The following ZNF248 variants were observed in gnomAD, a reference collection of about 807,000 sequenced individuals.
ZNF248 encodes the protein KRAB protein domain.
Under a neutral mutation model 44.3 loss-of-function variants are expected in ZNF248, and 20 were observed. The ratio of observed to expected loss-of-function variants is 0.45; its 90% CI spans 0.32 to 0.66. The LOEUF (loss-of-function observed/expected upper bound fraction) is 0.66, where lower values mean the gene tolerates loss of function less well. Among genes scored for constraint, ZNF248 ranks in the 30% least tolerant of loss-of-function variants. The pLI, the probability that ZNF248 is intolerant of heterozygous loss-of-function variation, is 0.04. For synonymous variants in ZNF248, 224 were observed against 229.0 expected (o/e 0.98, Z 0.20); for missense variants, 654 against 677.0 (o/e 0.97, Z 0.38).
chr10:37,837,546 G>A, intron 5 of ZNF248, 71 bp downstream of exon 5: 1 of 1,296,578 alleles, frequency 7.7e-7, no homozygotes, highest in Non-Finnish European at 1.1e-6. Flanking sequence ...TTCCAAAGGT[G>A]ACAAATCCTA....
At chr10:37,777,926 A>C (rs545124466) in intron 6 of ZNF248, among the ~76,000 whole-genome samples, 1 of 152,104 alleles carries the variant, frequency 6.6e-6, no homozygotes, top group African/African-American at 2.4e-5. Context: ...TTCTTAATCC[A>C]GTCTATCATT....
At chr10:37,823,488 A>C (rs1475774017) in intron 6 of ZNF248, among the ~76,000 whole-genome samples, 1 of 152,138 alleles carries the variant, frequency 6.6e-6, no homozygotes, top group Non-Finnish European at 1.5e-5. Context: ...GAACAAATGT[A>C]AATTTTATGT....
chr10:37,855,888 C>T (rs1023048967), intron 3 of ZNF248, among the ~76,000 whole-genome samples: 1 of 152,216 alleles, frequency 6.6e-6, no homozygotes, highest in Non-Finnish European at 1.5e-5. Context: ...GTTTTGAGGA[C>T]ATGCAGTCCC....
intron 6 of ZNF248, among the ~76,000 whole-genome samples, chr10:37,784,648 C>CTAGACTAGA (rs1308590482): frequency 6.6e-6 from 1 of 152,168 alleles, no homozygotes; most frequent in Non-Finnish European, 1.5e-5. Flanking sequence ...TCACTTTGTT[C>CTAGACTAGA]TAGACTAGAT....
At chr10:37,845,867 A>C (rs1313370871) in intron 3 of ZNF248, among the ~76,000 whole-genome samples, 1 of 152,202 alleles carries the variant, frequency 6.6e-6, no homozygotes, top group African/African-American at 2.4e-5. Flanking sequence ...AGAGTACCAC[A>C]ACACACCCAA....
intron 6 of ZNF248, chr10:37,819,495 C>T (rs1564529578): frequency 7.5e-7 from 1 of 1,339,060 alleles, no homozygotes; most frequent in Non-Finnish European, 1.1e-6. Context: ...GCCTTGTAAA[C>T]TTTACTGAAA....
At chr10:37,805,006 A>G (rs530554742) in intron 6 of ZNF248, among the ~76,000 whole-genome samples, 29 of 152,296 alleles carry the variant, frequency 1.9e-4, no homozygotes, top group African/African-American at 7.0e-4. Context: ...CCACTCCTAA[A>G]AGAAGATATA....
intron 6 of ZNF248, among the ~76,000 whole-genome samples, chr10:37,788,939 T>A (rs978059871): frequency 2.0e-5 from 3 of 151,940 alleles, no homozygotes; most frequent in Non-Finnish European, 4.4e-5. Flanking sequence ...TGGCACAACG[T>A]TGGCTCACTG....
intron 6 of ZNF248, among the ~76,000 whole-genome samples, chr10:37,810,234 C>A (rs2051276330): frequency 1.3e-5 from 2 of 152,172 alleles, no homozygotes; most frequent in African/African-American, 4.8e-5. Flanking sequence ...TCCTTACCTT[C>A]TGTCTGGTTG....
At chr10:37,816,463 G>A (rs2052484270) in intron 6 of ZNF248, among the ~76,000 whole-genome samples, 1 of 152,170 alleles carries the variant, frequency 6.6e-6, no homozygotes, top group South Asian at 2.1e-4. Flanking sequence ...TTAACCACAC[G>A]TAACCACAAT....
intron 6 of ZNF248, among the ~76,000 whole-genome samples, chr10:37,808,299 A>G (rs2050912303): frequency 1.4e-5 from 2 of 145,184 alleles, no homozygotes; most frequent in Non-Finnish European, 1.5e-5. Context: ...TTTTTCTGAG[A>G]CAGAATCTCG....
At chr10:37,761,623 G>A in the ZNF248 span, among the ~76,000 whole-genome samples, 1 of 152,210 alleles carries the variant, frequency 6.6e-6, no homozygotes, top group Non-Finnish European at 1.5e-5. Flanking sequence ...CAATGGAATA[G>A]TGAATAACTT....
chr10:37,816,227 T>C (rs984319751), intron 6 of ZNF248, among the ~76,000 whole-genome samples: 1 of 152,182 alleles, frequency 6.6e-6, no homozygotes, highest in Non-Finnish European at 1.5e-5. Context: ...GGGGAAGGAC[T>C]TGCAACAATG....
At chr10:37,818,720 G>A in intron 6 of ZNF248, 1 of 595,264 alleles carries the variant, frequency 1.7e-6, no homozygotes, top group East Asian at 3.7e-5. Context: ...TCACAGGCCA[G>A]TTGCTGGGCA....
At chr10:37,839,957 G>C (rs1215518615) in intron 3 of ZNF248, among the ~76,000 whole-genome samples, 1 of 152,110 alleles carries the variant, frequency 6.6e-6, no homozygotes, top group East Asian at 1.9e-4. Context: ...CGAACTTAAT[G>C]CAATAGCTAT....
Position 37,830,335 on chromosome 10 carries a change from A to T in ZNF248, c.*1280T>A. 1 of 985,408 alleles carries T rather than the reference A, an allele frequency of 1.0e-6. No homozygotes were observed. Among genetic ancestry groups the T allele is most frequent in the Non-Finnish European group, 1.2e-6 (1 of 829,924 alleles). 61.0% of individuals were successfully genotyped at this position (985,408 alleles called of 1,614,324 possible). On this transcript the variant is annotated 3_prime_UTR_variant, in exon 6 of 6. Transcript: ENST00000395867. ...TGATAGTTCAATAATGGCCATATTC[A>T]TGCATATATGCCAGGAAACAGTCAG...
At chr10:37,779,701 A>G (rs1401346520) in intron 6 of ZNF248, among the ~76,000 whole-genome samples, 1 of 151,704 alleles carries the variant, frequency 6.6e-6, no homozygotes, top group African/African-American at 2.4e-5. Context: ...AGGGTATTCA[A>G]TTAAGAAAAG....
At chr10:37,766,686 G>C in the ZNF248 span, among the ~76,000 whole-genome samples, 4 of 152,182 alleles carry the variant, frequency 2.6e-5, no homozygotes, top group African/African-American at 9.7e-5. Context: ...AAACAGAGTA[G>C]AAAAACTGGA....
At chr10:37,768,885 A>G in the ZNF248 span, among the ~76,000 whole-genome samples, 2 of 152,168 alleles carry the variant, frequency 1.3e-5, no homozygotes, top group Non-Finnish European at 2.9e-5. Flanking sequence ...CAAGACTAAT[A>G]AAGAAGAAAA....
Sources: allele counts gnomAD v4.1 joint callset (sites outside exome capture counted in the v4.1 genomes callset), GRCh38; gene constraint gnomAD v4.1.1; transcripts MANE v1.5; gene names NCBI Gene and HGNC (gene_info 2026-07-23, HGNC 2026-07-21).